SOX5: variants seen among roughly 807,000 people sequenced by gnomAD.
SOX5 encodes the protein transcription factor SOX-5.
SOX5 carries 9 observed loss-of-function variants against 92.0 expected under a neutral mutation model. The ratio of observed to expected loss-of-function variants is 0.10; its 90% CI spans 0.06 to 0.17. The LOEUF (loss-of-function observed/expected upper bound fraction) is 0.17. SOX5 is among the 10% of genes least tolerant of loss of function. The pLI is 1.00. For missense variants in SOX5, 642 were observed against 944.5 expected (o/e 0.68, Z 4.20); for synonymous variants, 344 against 336.3 (o/e 1.02, Z -0.25).
In SOX5 at chr12:24,558,398, T is replaced by A. The variant is rs1038792780; in HGVS notation, c.-251+3931A>T. On this transcript the variant is annotated intron_variant, in intron 1 of 4. Transcript: ENST00000446891. ...AAATTCCGCTAACTCATAGTTAGCC[T>A]ACCTTTGACCCTGACTCAATTTTAA... Among the ~76,000 whole-genome samples the A allele has an allele frequency of 3.3e-5, 5 of 152,284 alleles. No individual in the cohort carries two copies. In the East Asian group the frequency reaches 7.7e-4, roughly 24 times the overall value.
intron 3 of SOX5, among the ~76,000 whole-genome samples, chr12:24,216,408 C>T (rs1041393349): frequency 5.3e-5 from 8 of 152,078 alleles, no homozygotes; most frequent in African/African-American, 1.9e-4. Context: ...GGCGTGAACC[C>T]GGGAGGCGGG....
At chr12:23,697,965 T>C (rs2090114258) in intron 6 of SOX5, among the ~76,000 whole-genome samples, 1 of 152,212 alleles carries the variant, frequency 6.6e-6, no homozygotes, top group Non-Finnish European at 1.5e-5. Flanking sequence ...CTTCACTCCT[T>C]TTTTGTATTA....
intron 4 of SOX5, among the ~76,000 whole-genome samples, chr12:24,153,852 C>T (rs879505357): frequency 6.6e-6 from 1 of 151,642 alleles, no homozygotes; most frequent in Non-Finnish European, 1.5e-5. Context: ...AAAATGTTCT[C>T]ACTTGAATAC....
chr12:24,533,682 A>G (rs978530473), intron 1 of SOX5, among the ~76,000 whole-genome samples: 1 of 152,232 alleles, frequency 6.6e-6, no homozygotes, highest in Non-Finnish European at 1.5e-5. Context: ...AATTACTTCC[A>G]TAAAGACTTT....
Position 23,534,468 on chromosome 12 carries a change from G to A in SOX5, c.2043C>T (p.Ile681=), listed in dbSNP as rs376617830. ...ATAGVVYPGA[I]AMAGMPSPHL... ...GAGGGGAGGGCATCCCAGCCATGGC[G>A]ATGGCTCCAGGGTACACAACACCAG... The change falls in exon 15 of 15, where the codon ATC becomes ATT. Residue 681 remains isoleucine (I), a synonymous_variant. Coordinates refer to ENST00000451604, the MANE Select transcript of SOX5 (RefSeq NM_006940.6). 22 of 1,613,804 alleles carry A rather than the reference G, an allele frequency of 1.4e-5. No individual in the cohort carries two copies. Among genetic ancestry groups the A allele is most frequent in the South Asian group, 2.2e-5 (2 of 91,070 alleles).
At chr12:24,154,828 GAT>G (rs1426971371) in intron 4 of SOX5, among the ~76,000 whole-genome samples, 5 of 151,948 alleles carry the variant, frequency 3.3e-5, no homozygotes, top group Non-Finnish European at 5.9e-5. Context: ...AAATTACACT[GAT>G]AGAATTAATA....
chr12:24,095,388 C>G (rs528510687), intron 4 of SOX5, among the ~76,000 whole-genome samples: 1 of 151,532 alleles, frequency 6.6e-6, no homozygotes, highest in African/African-American at 2.4e-5. Flanking sequence ...ATACAAAGTT[C>G]GGGGAAGTTT....
chr12:24,362,154 A>G (rs1056608934), intron 2 of SOX5, among the ~76,000 whole-genome samples: 2 of 152,218 alleles, frequency 1.3e-5, no homozygotes, highest in African/African-American at 4.8e-5. Flanking sequence ...AAATATAGAG[A>G]TATGTGCATA....
At chr12:23,612,653 AAT>A (rs1323634836) in intron 8 of SOX5, among the ~76,000 whole-genome samples, 3 of 152,184 alleles carry the variant, frequency 2.0e-5, no homozygotes, top group South Asian at 2.1e-4. Flanking sequence ...GAGATTTTAA[AAT>A]ATATGTCATC....
At chr12:24,216,486 A>G (rs185289870) in intron 3 of SOX5, among the ~76,000 whole-genome samples, 1 of 150,094 alleles carries the variant, frequency 6.7e-6, no homozygotes, top group Admixed American at 6.6e-5. Flanking sequence ...TCCGCCTCGG[A>G]AAAAAAAAAT....
chr12:24,129,447 T>C (rs933866407), intron 4 of SOX5, among the ~76,000 whole-genome samples: 1 of 152,200 alleles, frequency 6.6e-6, no homozygotes, highest in Admixed American at 6.5e-5. Flanking sequence ...TCCTCTCCCA[T>C]ACTTTTGGGA....
intron 9 of SOX5, among the ~76,000 whole-genome samples, chr12:23,593,819 C>G (rs898871833): frequency 1.2e-4 from 18 of 151,250 alleles, no homozygotes; most frequent in African/African-American, 3.7e-4. Flanking sequence ...CTTTAAAAAG[C>G]ATATACTAAC....
At chr12:23,636,359 A>C (rs1230767740) in intron 8 of SOX5, among the ~76,000 whole-genome samples, 1 of 152,204 alleles carries the variant, frequency 6.6e-6, no homozygotes, top group Non-Finnish European at 1.5e-5. Flanking sequence ...AAGGATCTCC[A>C]GGGACATAAA....
chr12:24,376,164 TA>T (rs1957240561), intron 1 of SOX5, among the ~76,000 whole-genome samples: 1 of 152,232 alleles, frequency 6.6e-6, no homozygotes, highest in Admixed American at 6.5e-5. Flanking sequence ...TTGCCTAATT[TA>T]AACTTTTAAA....
intron 1 of SOX5, among the ~76,000 whole-genome samples, chr12:23,910,704 T>C (rs1299131907): frequency 6.6e-6 from 1 of 152,166 alleles, no homozygotes; most frequent in African/African-American, 2.4e-5. Flanking sequence ...ATCCTCTATT[T>C]ATCCAAAGAC....
intron 4 of SOX5, among the ~76,000 whole-genome samples, chr12:23,963,270 A>C (rs1591840296): frequency 6.6e-6 from 1 of 152,190 alleles, no homozygotes; most frequent in East Asian, 1.9e-4. Context: ...AAAACACAGG[A>C]GAATATAGGA....
intron 2 of SOX5, among the ~76,000 whole-genome samples, chr12:24,359,898 T>A (rs189157724): frequency 6.6e-6 from 1 of 152,268 alleles, no homozygotes; most frequent in Non-Finnish European, 1.5e-5. Context: ...AAATAGAATC[T>A]TCACTCACAA....
chr12:24,450,318 T>C (rs955314469), intron 1 of SOX5, among the ~76,000 whole-genome samples: 2 of 152,136 alleles, frequency 1.3e-5, no homozygotes, highest in African/African-American at 4.8e-5. Flanking sequence ...TATTTGACCA[T>C]AGAAGCACCA....
At chr12:23,717,101 A>C (rs892325314) in intron 6 of SOX5, among the ~76,000 whole-genome samples, 2 of 152,182 alleles carry the variant, frequency 1.3e-5, no homozygotes, top group African/African-American at 4.8e-5. Context: ...CTTTTTAATA[A>C]AGTTATATCA....
Sources: gnomAD v4.1 joint callset for allele counts (sites outside exome capture counted in the v4.1 genomes callset) on GRCh38, gnomAD v4.1.1 for gene constraint, MANE v1.5 for transcripts, NCBI Gene and HGNC (gene_info 2026-07-23, HGNC 2026-07-21) for gene names.